Variants in BNC2 observed in about 807,000 individuals in gnomAD.
BNC2 encodes basonuclin zinc finger protein 2, also known as zinc finger protein basonuclin-2.
BNC2 carries 20 observed loss-of-function variants against 76.3 expected under a neutral mutation model. The ratio of observed to expected loss-of-function variants is 0.26; its 90% confidence interval spans 0.18 to 0.38. The LOEUF (loss-of-function observed/expected upper bound fraction) is 0.38. Among genes scored for constraint, BNC2 ranks in the 10% least tolerant of loss-of-function variants. The pLI is 1.00. For synonymous variants in BNC2, 582 were observed against 514.8 expected, an observed-to-expected ratio of 1.13 and a Z score of -1.77; for missense variants, 1,382 against 1,399.8, an observed-to-expected ratio of 0.99 and a Z score of 0.20.
intron 1 of BNC2, among the ~76,000 whole-genome samples, chr9:16,852,546 T>C (rs1396729799): frequency 6.6e-6 from 1 of 152,206 alleles, no homozygotes; most frequent in Non-Finnish European, 1.5e-5. Context: ...GTAATGGAAA[T>C]GCAGAATTAG....
rs1439973322 is a variant in BNC2, at chr9:16,435,825, T to C, written c.2369A>G (p.Gln790Arg). ...DPTYDMFYMS[Q>R]YGLYNGGGAS... ...ACCCCCACCATTGTACAGTCCATAC[T>C]GGCTCATGTAAAACATGTCGTAAGT... The change falls in exon 6 of 7, where the codon CAG (glutamine) becomes CGG (arginine). Residue 790 changes from glutamine (Q) to arginine (R), a missense_variant. Physicochemically the swap from Gln to Arg is conservative, Grantham distance 43. Transcript: ENST00000380672. 5.6e-6 allele frequency: 9 copies of C among 1,614,024 alleles called. No individual in the cohort carries two copies. The highest frequency in any genetic ancestry group is 7.6e-6 in the Non-Finnish European group (9 of 1,179,992).
chr9:16,846,436 C>T (rs1424189087), intron 1 of BNC2, among the ~76,000 whole-genome samples: 2 of 152,140 alleles, frequency 1.3e-5, no homozygotes, highest in African/African-American at 4.8e-5. Context: ...GTGGTATATT[C>T]TTTCCCAAGT....
chr9:16,740,744 G>A (rs753525247), intron 1 of BNC2, among the ~76,000 whole-genome samples: 1 of 152,158 alleles, frequency 6.6e-6, no homozygotes, highest in Admixed American at 6.5e-5. Flanking sequence ...ATGAAGCCAA[G>A]AGAGAAAACG....
At chr9:16,826,038 G>T (rs545901913) in intron 1 of BNC2, among the ~76,000 whole-genome samples, 41 of 152,106 alleles carry the variant, frequency 2.7e-4, no homozygotes, top group South Asian at 6.2e-4. Context: ...GGCTGATGAC[G>T]AGGGACACAA....
chr9:16,657,025 C>A (rs1219949134), intron 3 of BNC2, among the ~76,000 whole-genome samples: 1 of 152,054 alleles, frequency 6.6e-6, no homozygotes, highest in Admixed American at 6.6e-5. Flanking sequence ...TATAGTGGGG[C>A]AAGGGTAGAC....
intron 1 of BNC2, among the ~76,000 whole-genome samples, chr9:16,864,709 G>A (rs1819497771): frequency 6.6e-6 from 1 of 152,198 alleles, no homozygotes; most frequent in African/African-American, 2.4e-5. Context: ...CCCCAGGACA[G>A]CAGCATGCAC....
intron 1 of BNC2, among the ~76,000 whole-genome samples, chr9:16,757,570 C>T (rs1825421665): frequency 6.6e-6 from 1 of 152,208 alleles, no homozygotes; most frequent in African/African-American, 2.4e-5. Flanking sequence ...TCCTACATTT[C>T]CTTAAGCCCC....
chr9:16,858,907 G>T (rs1819328945), intron 1 of BNC2, among the ~76,000 whole-genome samples: 1 of 151,870 alleles, frequency 6.6e-6, no homozygotes, highest in South Asian at 2.1e-4. Flanking sequence ...GAAACAATCA[G>T]CAGAGTGAAG....
At chr9:16,747,794 T>A (rs1383330245) in intron 1 of BNC2, among the ~76,000 whole-genome samples, 2 of 152,252 alleles carry the variant, frequency 1.3e-5, no homozygotes, top group Non-Finnish European at 2.9e-5. Context: ...ATCTTTAGGC[T>A]TCTAAGTGCT....
intron 5 of BNC2, among the ~76,000 whole-genome samples, chr9:16,489,100 A>T (rs544088978): frequency 1.2e-4 from 19 of 152,342 alleles, no homozygotes; most frequent in Non-Finnish European, 2.2e-4. Context: ...AATTATAAAA[A>T]AGTAAAAGAG....
intron 1 of BNC2, among the ~76,000 whole-genome samples, chr9:16,856,296 C>T (rs1010953016): frequency 1.8e-4 from 28 of 151,962 alleles, no homozygotes; most frequent in African/African-American, 6.0e-4. Context: ...CACACACACA[C>T]ACACACAAAT....
At chr9:16,649,209 C>A (rs1821725321) in intron 3 of BNC2, among the ~76,000 whole-genome samples, 1 of 152,202 alleles carries the variant, frequency 6.6e-6, no homozygotes, top group African/African-American at 2.4e-5. Context: ...CCCCAGCACA[C>A]CCACTGCATC....
chr9:16,847,091 C>A (rs1208382220), intron 1 of BNC2, among the ~76,000 whole-genome samples: 1 of 152,116 alleles, frequency 6.6e-6, no homozygotes, highest in East Asian at 1.9e-4. Context: ...TGTAGCAGGT[C>A]CTCAAGATAA....
intron 1 of BNC2, among the ~76,000 whole-genome samples, chr9:16,767,567 T>TAGA (rs1239003415): frequency 1.3e-5 from 2 of 151,970 alleles, no homozygotes; most frequent in African/African-American, 4.8e-5. Context: ...TGAGGGAGAT[T>TAGA]AGAAGCCAAA....
At chr9:16,468,386 C>CT (rs1392139421) in intron 5 of BNC2, among the ~76,000 whole-genome samples, 1 of 151,370 alleles carries the variant, frequency 6.6e-6, no homozygotes, top group East Asian at 1.9e-4. Flanking sequence ...TATGCAGTAT[C>CT]TTTATTTTTT....
At chr9:16,495,074 G>A (rs1254710837) in intron 5 of BNC2, among the ~76,000 whole-genome samples, 5 of 152,192 alleles carry the variant, frequency 3.3e-5, no homozygotes, top group Admixed American at 6.5e-5. Context: ...TTGGAGTAAA[G>A]AACAGGTTGG....
chr9:16,650,256 G>C (rs1371951553), intron 3 of BNC2, among the ~76,000 whole-genome samples: 2 of 152,152 alleles, frequency 1.3e-5, no homozygotes, highest in African/African-American at 4.8e-5. Flanking sequence ...TTTTTAATAA[G>C]GAACAGAGGG....
At chr9:16,675,097 C>T (rs1822599551) in intron 3 of BNC2, among the ~76,000 whole-genome samples, 1 of 152,202 alleles carries the variant, frequency 6.6e-6, no homozygotes, top group Non-Finnish European at 1.5e-5. Flanking sequence ...GCTATTTTCA[C>T]AGGGAAACCT....
At chr9:16,587,613 G>A (rs1485237391) in intron 3 of BNC2, among the ~76,000 whole-genome samples, 2 of 151,930 alleles carry the variant, frequency 1.3e-5, no homozygotes, top group African/African-American at 4.8e-5. Flanking sequence ...AGATCCACAC[G>A]GTTGATTGCT....
Sources: gnomAD v4.1 joint callset for allele counts (sites outside exome capture counted in the v4.1 genomes callset) on GRCh38, gnomAD v4.1.1 for gene constraint, MANE v1.5 for transcripts, NCBI Gene and HGNC (gene_info 2026-07-23, HGNC 2026-07-21) for gene names.